OSBPL8: variants seen among roughly 807,000 people sequenced by gnomAD.
OSBPL8 encodes oxysterol binding protein like 8.
OSBPL8 carries 59 observed loss-of-function variants against 125.5 expected under a neutral mutation model. The observed-to-expected ratio is 0.47, with a 90% CI of 0.38 to 0.58. The LOEUF (loss-of-function observed/expected upper bound fraction) is 0.58, where lower values mean the gene tolerates loss of function less well. Ranked by LOEUF, OSBPL8 falls within the 20% of genes least tolerant of loss-of-function variation. OSBPL8 has a pLI of 0.00. For missense variants in OSBPL8, 758 were observed against 1,047.8 expected (o/e 0.72, Z 3.82); for synonymous variants, 330 against 338.9 (o/e 0.97, Z 0.29).
intron 1 of OSBPL8, among the ~76,000 whole-genome samples, chr12:76,515,723 T>G (rs1881470806): frequency 2.0e-5 from 3 of 152,050 alleles, no homozygotes; most frequent in Admixed American, 2.0e-4. Flanking sequence ...TCTGTGTCGC[T>G]TCTGGGTGGG....
Position 76,353,393 on chromosome 12 carries a change from C to A in OSBPL8, c.*2496G>T, listed in dbSNP as rs1951886950. The stretch of plus-strand genomic sequence containing the variant: ...ACATTTAACAGCTAAAAAGAAAATG[C>A]ACATGTGAATAATTATTACTCAATT... On this transcript the variant is annotated 3_prime_UTR_variant, in exon 24 of 24. Transcript: ENST00000261183. 6.7e-6 allele frequency: 1 copy of A among 150,074 alleles called. No individual in the cohort carries two copies. The allele number at this position is 150,074 out of a possible 1,614,324, so 9.3% of individuals were successfully genotyped here. A position where few individuals can be genotyped will look rare whatever the true frequency, so the allele number is the denominator to read the frequency against.
chr12:76,498,262 A>G (rs1282078453), intron 1 of OSBPL8, among the ~76,000 whole-genome samples: 1 of 152,228 alleles, frequency 6.6e-6, no homozygotes, highest in Non-Finnish European at 1.5e-5. Flanking sequence ...GAGGTCACAC[A>G]ATGTCAGGAA....
chr12:76,453,387 G>A (rs1232373247), intron 3 of OSBPL8, among the ~76,000 whole-genome samples: 1 of 152,156 alleles, frequency 6.6e-6, no homozygotes, highest in Admixed American at 6.5e-5. Flanking sequence ...TGGTACTGAT[G>A]CAGAGAGATA....
chr12:76,525,148 T>A (rs575220072), intron 1 of OSBPL8, among the ~76,000 whole-genome samples: 1 of 152,204 alleles, frequency 6.6e-6, no homozygotes, highest in East Asian at 1.9e-4. Context: ...CTGAGGTGTA[T>A]AGACCTTGTT....
intron 1 of OSBPL8, among the ~76,000 whole-genome samples, chr12:76,495,243 C>T (rs1879154012): frequency 6.6e-6 from 1 of 152,214 alleles, no homozygotes; most frequent in Admixed American, 6.5e-5. Context: ...CTTCCAGTTC[C>T]TGTAAGCTGT....
At chr12:76,493,819 T>C (rs1213797713) in intron 1 of OSBPL8, among the ~76,000 whole-genome samples, 1 of 152,188 alleles carries the variant, frequency 6.6e-6, no homozygotes, top group Non-Finnish European at 1.5e-5. Context: ...CTATTCTCCT[T>C]GAATTCTACA....
At chr12:76,453,538 G>A (rs545166102) in intron 3 of OSBPL8, among the ~76,000 whole-genome samples, 22 of 152,188 alleles carry the variant, frequency 1.4e-4, no homozygotes, top group Non-Finnish European at 2.8e-4. Context: ...TATTGGAAAA[G>A]TAGAGAGAAC....
At chr12:76,460,126 T>A (rs1025535626) in intron 2 of OSBPL8, among the ~76,000 whole-genome samples, 1 of 152,238 alleles carries the variant, frequency 6.6e-6, no homozygotes, top group Admixed American at 6.5e-5. Flanking sequence ...ATTTGTTTTA[T>A]CTTTAGAAAA....
chr12:76,406,251 C>T (rs1468718077), intron 5 of OSBPL8, among the ~76,000 whole-genome samples: 7 of 152,130 alleles, frequency 4.6e-5, no homozygotes. Context: ...ATACAAGGAA[C>T]AACAAGGATA....
intron 16 of OSBPL8, among the ~76,000 whole-genome samples, chr12:76,378,154 G>A (rs1176616423): frequency 6.6e-6 from 1 of 152,104 alleles, no homozygotes; most frequent in Non-Finnish European, 1.5e-5. Context: ...TGAAATAATA[G>A]ACGGTTTTGT....
At chr12:76,458,623 T>C (rs989181499) in intron 3 of OSBPL8, among the ~76,000 whole-genome samples, 23 of 151,762 alleles carry the variant, frequency 1.5e-4, no homozygotes, top group African/African-American at 5.1e-4. Flanking sequence ...AGTTCAAGGT[T>C]GCATGAGTTA....
intron 1 of OSBPL8, among the ~76,000 whole-genome samples, chr12:76,554,712 T>G (rs1951044569): frequency 1.3e-5 from 2 of 152,224 alleles, no homozygotes; most frequent in Admixed American, 1.3e-4. Flanking sequence ...TATCAAGTTT[T>G]CAAAAACTCT....
chr12:76,366,451 G>A (rs960607730), intron 21 of OSBPL8: 14 of 327,004 alleles, frequency 4.3e-5, no homozygotes, highest in Non-Finnish European at 6.0e-6. Context: ...TAGCCTAGCT[G>A]ATGGTTTATC....
At chr12:76,478,211 G>A (rs1017894057) in intron 2 of OSBPL8, among the ~76,000 whole-genome samples, 5 of 151,600 alleles carry the variant, frequency 3.3e-5, no homozygotes, top group Non-Finnish European at 5.9e-5. Flanking sequence ...AAAAAAAAAA[G>A]AATTCACAAA....
At chr12:76,394,000 C>G (rs970019388) in intron 9 of OSBPL8, among the ~76,000 whole-genome samples, 1 of 152,062 alleles carries the variant, frequency 6.6e-6, no homozygotes, top group African/African-American at 2.4e-5. Flanking sequence ...AGGCTGGCAA[C>G]AGAGCGAGAC....
chr12:76,393,998 A>G (rs1953684191), intron 9 of OSBPL8, among the ~76,000 whole-genome samples: 1 of 152,162 alleles, frequency 6.6e-6, no homozygotes, highest in Non-Finnish European at 1.5e-5. Flanking sequence ...CCAGGCTGGC[A>G]ACAGAGCGAG....
chr12:76,377,218 T>C (rs1952856370), intron 16 of OSBPL8, among the ~76,000 whole-genome samples: 1 of 152,200 alleles, frequency 6.6e-6, no homozygotes. Context: ...CTATTGTGAA[T>C]AGTGCTGCAA....
chr12:76,430,150 T>C (rs1462933671), intron 4 of OSBPL8, among the ~76,000 whole-genome samples: 1 of 152,092 alleles, frequency 6.6e-6, no homozygotes, highest in Non-Finnish European at 1.5e-5. Flanking sequence ...CCCAACCACA[T>C]TCTTCTTAAT....
chr12:76,400,539 G>C (rs2136347067), intron 6 of OSBPL8, among the ~76,000 whole-genome samples: 1 of 152,038 alleles, frequency 6.6e-6, no homozygotes, highest in East Asian at 1.9e-4. Flanking sequence ...TAGGTCGAAT[G>C]GTAGTTCTGT....
Sources: allele counts gnomAD v4.1 joint callset (sites outside exome capture counted in the v4.1 genomes callset), GRCh38; gene constraint gnomAD v4.1.1; transcripts MANE v1.5; gene names NCBI Gene and HGNC (gene_info 2026-07-23, HGNC 2026-07-21).